The following PDCD6 variants were observed in gnomAD, a reference collection of about 807,000 sequenced individuals.
The protein encoded by PDCD6 is programmed cell death protein 6.
A neutral mutation model predicts 28.3 loss-of-function variants in PDCD6; 12 were observed. The ratio of observed to expected loss-of-function variants is 0.42; its 90% CI spans 0.27 to 0.69. The LOEUF is 0.69. Ranked by LOEUF, PDCD6 falls within the 30% of genes least tolerant of loss-of-function variation. The probability of loss-of-function intolerance (pLI) is 0.22; values close to 1 mark genes in which losing one functional copy is unlikely to be tolerated. For missense variants in PDCD6, 226 were observed against 269.9 expected (o/e 0.84, Z 1.14); for synonymous variants, 92 against 108.0 (o/e 0.85, Z 0.92).
intron 2 of PDCD6, among the ~76,000 whole-genome samples, chr5:281,521 G>A (rs1173472887): frequency 2.0e-5 from 3 of 152,224 alleles, no homozygotes; most frequent in Non-Finnish European, 4.4e-5. Flanking sequence ...GATCCAGGTG[G>A]GAGAGGTGTT....
At chr5:308,577 G>A (rs942869510) in intron 4 of PDCD6, 3 of 152,246 alleles carry the variant, frequency 2.0e-5, no homozygotes, top group African/African-American at 4.8e-5. Flanking sequence ...TTGGAAAGGG[G>A]CATTGTCATC....
intron 2 of PDCD6, among the ~76,000 whole-genome samples, chr5:279,477 A>AAGGCGCGACTCT (rs1235981912): frequency 1.3e-5 from 2 of 152,118 alleles, no homozygotes; most frequent in African/African-American, 2.4e-5. Flanking sequence ...GCCTAGAGTC[A>AAGGCGCGACTCT]AGGCCAGACT....
intron 4 of PDCD6, chr5:310,979 G>A (rs1740875261): frequency 6.3e-6 from 2 of 315,096 alleles, no homozygotes; most frequent in Non-Finnish European, 1.2e-5. Flanking sequence ...GTGGGGTGGT[G>A]TTTGGTGAGT....
Position 314,703 on chromosome 5 carries a change from C to T in PDCD6, c.*188C>T, listed in dbSNP as rs1347895581. The T allele has an allele frequency of 3.0e-6, 2 of 676,416 alleles. No individual in the cohort carries two copies. Among genetic ancestry groups the T allele is most frequent in the African/African-American group, 1.8e-5 (1 of 56,704 alleles). The allele number at this position is 676,416 out of a possible 1,614,324, so 41.9% of individuals were successfully genotyped here. A position where few individuals can be genotyped will look rare whatever the true frequency, so the allele number is the denominator to read the frequency against. ...TTTGCAACTGTAATAGTAGCTGTAT[C>T]GTTCTAATGCAGACATTGGATTTGG... On this transcript the variant is annotated 3_prime_UTR_variant, in exon 6 of 6. Transcript: ENST00000264933.
In PDCD6 at chr5:307,904, A is replaced by G. The variant is rs1448199735; in HGVS notation, c.367+1144A>G. Among the ~76,000 whole-genome samples, 7 of 152,134 alleles carry G rather than the reference A, an allele frequency of 4.6e-5. No individual in the cohort carries two copies. Among genetic ancestry groups the G allele is most frequent in the South Asian group, 4.1e-4 (2 of 4,828 alleles). ...GGGTGGACACTGGGTCTCCTCAAGAAGCAGTTCTGAGCTGACCAGCTGCGA... is the reference window on the plus strand; with the variant it reads ...GGGTGGACACTGGGTCTCCTCAAGAGGCAGTTCTGAGCTGACCAGCTGCGA... On this transcript the variant is annotated intron_variant, in intron 4 of 5. Transcript: ENST00000264933. This position sits in a 1 kb window ranked among gnomAD's most constrained non-coding sequence, Gnocchi z 6.1.
chr5:272,954 G>C, intron 2 of PDCD6, 182 bp downstream of exon 2: 1 of 1,208,022 alleles, frequency 8.3e-7, no homozygotes, highest in East Asian at 2.6e-5. Context: ...GTTACTGCTT[G>C]GAGTGCCTCA....
At chr5:276,325 G>C (rs1047951650) in intron 2 of PDCD6, 17 of 1,083,466 alleles carry the variant, frequency 1.6e-5, no homozygotes, top group Non-Finnish European at 1.9e-5. Flanking sequence ...CATCGTGGGG[G>C]CTCACGTTTT....
intron 2 of PDCD6, among the ~76,000 whole-genome samples, chr5:277,179 G>A (rs9686185): frequency 0.38 from 57,327 of 152,048 alleles, 12,507 homozygotes; most frequent in South Asian, 0.51. Context: ...AGGCTGGAGT[G>A]CAGTGGCACG....
chr5:304,013 C>T lies in PDCD6; in HGVS notation c.164-164C>T, dbSNP rs1422325063. Among the ~76,000 whole-genome samples, 6 of 150,836 alleles carry T rather than the reference C, an allele frequency of 4.0e-5. No homozygotes were observed. In the East Asian group the frequency reaches 1.2e-3, roughly 29 times the overall value. The stretch of plus-strand genomic sequence containing the variant: ...GAACCCACCAGGCAGTGCTTTGGCC[C>T]CCTCCCAGGAGTCATGGCAGCCGAC... On this transcript the variant is annotated intron_variant, in intron 2 of 5. Transcript: ENST00000264933.
In PDCD6 at chr5:314,535, G is replaced by T; in HGVS notation, c.*20G>T. On this transcript the variant is annotated 3_prime_UTR_variant, in exon 6 of 6. Transcript: ENST00000264933. Reference sequence around the variant, plus strand: ...GTATGACCCTGGCCTCTCGTGAAGAGCAGCACAACATGGAAAGAGCCAAAA... The same window carrying T: ...GTATGACCCTGGCCTCTCGTGAAGATCAGCACAACATGGAAAGAGCCAAAA... The T allele has an allele frequency of 1.9e-6, 3 of 1,562,330 alleles. No individual in the cohort carries two copies. The highest frequency in any genetic ancestry group is 2.6e-6 in the Non-Finnish European group (3 of 1,133,374).
chr5:288,780 G>T (rs1371919865), intron 2 of PDCD6: 6 of 844,994 alleles, frequency 7.1e-6, no homozygotes, highest in South Asian at 3.2e-5. Context: ...AGTTTTATAC[G>T]GCGTTAAAAC....
chr5:298,174 G>A (rs1255287515), intron 2 of PDCD6, among the ~76,000 whole-genome samples: 1 of 152,170 alleles, frequency 6.6e-6, no homozygotes, highest in African/African-American at 2.4e-5. Flanking sequence ...GGTCGAGCTG[G>A]AGAAGCTGGG....
At chr5:313,235 AT>A (rs1304800701) in intron 5 of PDCD6, among the ~76,000 whole-genome samples, 2 of 152,218 alleles carry the variant, frequency 1.3e-5, no homozygotes, top group Non-Finnish European at 2.9e-5. Context: ...AAACGTTTTT[AT>A]TTATCTGCTT....
rs2126765350 is a variant in PDCD6 at position 305,979 on chromosome 5, C to A, written c.209-623C>A. On this transcript the variant is annotated intron_variant, in intron 3 of 5. Transcript: ENST00000264933. The surrounding 1 kb of genome is among the most constrained non-coding windows in gnomAD (Gnocchi z 4.0). ...TATCATTTTCTCTGCAGCAGTAATT[C>A]ACACTGAATTTTTCTATGTTTTTTA... The A allele has an allele frequency of 6.5e-6, 1 of 153,740 alleles. No homozygotes were observed. The highest frequency in any genetic ancestry group is 1.9e-4 in the East Asian group (1 of 5,210). 9.5% of individuals were successfully genotyped at this position (153,740 alleles called of 1,614,324 possible).
Position 273,204 on chromosome 5 carries a change from A to G in PDCD6, c.163+432A>G, listed in dbSNP as rs4102423. 344 of 181,104 alleles carry G rather than the reference A, an allele frequency of 1.9e-3. 2 individuals are homozygous for G. Among genetic ancestry groups the G allele is most frequent in the South Asian group, 8.8e-3 (86 of 9,786 alleles). 11.2% of individuals were successfully genotyped at this position (181,104 alleles called of 1,614,324 possible). On this transcript the variant is annotated intron_variant, in intron 2 of 5. Coordinates refer to ENST00000264933, the MANE Select transcript of PDCD6 (RefSeq NM_013232.4). ...CTTGGGGAGCTCAGGCAGCCCTTGT[A>G]TGGGAATGTGGCTGTTACAGGAACT...
intron 2 of PDCD6, chr5:276,097 T>C (rs1454965215): frequency 9.6e-7 from 1 of 1,044,534 alleles, no homozygotes; most frequent in African/African-American, 1.6e-5. Flanking sequence ...AGTGTAGTGG[T>C]GCACGCCTGT....
At chr5:289,450 G>A in intron 2 of PDCD6, 2 of 698,858 alleles carry the variant, frequency 2.9e-6, no homozygotes, top group East Asian at 2.5e-5. Flanking sequence ...GCGCTGCCGG[G>A]TACAACGGCT....
Sources: gnomAD v4.1 joint callset for allele counts (sites outside exome capture counted in the v4.1 genomes callset) on GRCh38, gnomAD v4.1.1 for gene constraint, Gnocchi (gnomAD v3.1) non-coding constraint, MANE v1.5 for transcripts, NCBI Gene and HGNC (gene_info 2026-07-23, HGNC 2026-07-21) for gene names.